Variants in LRRTM4 observed in about 807,000 individuals in gnomAD.
LRRTM4 encodes the protein leucine-rich repeat transmembrane neuronal protein 4.
LRRTM4 carries 25 observed loss-of-function variants against 47.6 expected under a neutral mutation model. The observed-to-expected ratio is 0.53, with a 90% CI of 0.38 to 0.73. The LOEUF (loss-of-function observed/expected upper bound fraction) is 0.73, where lower values mean the gene tolerates loss of function less well. Among genes scored for constraint, LRRTM4 ranks in the 30% least tolerant of loss-of-function variants. LRRTM4 has a pLI of 0.00. For synonymous variants in LRRTM4, 311 were observed against 269.5 expected (o/e 1.15, Z -1.51); for missense variants, 638 against 713.4 (o/e 0.89, Z 1.20).
At chr2:77,485,917 T>C (rs1677893936) in intron 3 of LRRTM4, among the ~76,000 whole-genome samples, 1 of 151,862 alleles carries the variant, frequency 6.6e-6, no homozygotes, top group East Asian at 1.9e-4. Context: ...TTTGTATTTT[T>C]AGGGGAGACG....
In LRRTM4 at chr2:77,336,383, T is replaced by G. The variant is rs148905920; in HGVS notation, c.1551+181935A>C. Among the ~76,000 whole-genome samples, 425 of 152,126 alleles carry G rather than the reference T, an allele frequency of 2.8e-3. 4 individuals are homozygous for G. The highest frequency in any genetic ancestry group is 9.7e-3 in the East Asian group (50 of 5,134). Reference sequence around the variant, plus strand: ...TATGAGAGGCTTGCACTTTTACCAGTTAGCTCATAATTTTTTACCAAAATT... The same window carrying G: ...TATGAGAGGCTTGCACTTTTACCAGGTAGCTCATAATTTTTTACCAAAATT... On this transcript the variant is annotated intron_variant, in intron 3 of 3. Transcript: ENST00000409884.
At chr2:77,042,865 C>A (rs1035199563) in intron 3 of LRRTM4, among the ~76,000 whole-genome samples, 1 of 151,684 alleles carries the variant, frequency 6.6e-6, no homozygotes. Flanking sequence ...TAGACAAAGT[C>A]TCTGGAATGG....
chr2:77,051,443 C>T (rs949716749), intron 3 of LRRTM4, among the ~76,000 whole-genome samples: 8 of 152,192 alleles, frequency 5.3e-5, no homozygotes, highest in African/African-American at 1.7e-4. Context: ...ATGAATTAAG[C>T]GCTCTTCTCT....
At chr2:77,068,538 T>C (rs183046193) in intron 3 of LRRTM4, among the ~76,000 whole-genome samples, 1 of 152,354 alleles carries the variant, frequency 6.6e-6, no homozygotes, top group Non-Finnish European at 1.5e-5. Flanking sequence ...GAACATTTCA[T>C]ATAACTGAAT....
At chr2:77,207,658 C>T (rs1432445858) in intron 3 of LRRTM4, among the ~76,000 whole-genome samples, 1 of 151,738 alleles carries the variant, frequency 6.6e-6, no homozygotes, top group Non-Finnish European at 1.5e-5. Flanking sequence ...CTATAACAAT[C>T]ACTGACAATT....
intron 3 of LRRTM4, among the ~76,000 whole-genome samples, chr2:77,184,801 T>C (rs969763458): frequency 6.6e-6 from 1 of 152,204 alleles, no homozygotes; most frequent in Non-Finnish European, 1.5e-5. Context: ...TTTGGTCCTA[T>C]GCTATTAAAA....
intron 3 of LRRTM4, among the ~76,000 whole-genome samples, chr2:77,168,068 C>A (rs1031574813): frequency 2.6e-5 from 4 of 151,970 alleles, no homozygotes; most frequent in Non-Finnish European, 4.4e-5. Flanking sequence ...TTTTGCAATA[C>A]CCTTACTTTG....
rs368080398 is a variant in LRRTM4 at position 76,804,737 on chromosome 2, TTA to T, written c.1552-55823_1552-55822del. ...ATATAAAACAATGATATATCATGTT[TTA>T]TATATATATCATTGTTTTATAACAA... On this transcript the variant is annotated intron_variant, in intron 3 of 3. Coordinates refer to ENST00000409884, the MANE Select transcript of LRRTM4 (RefSeq NM_001134745.3). Among the ~76,000 whole-genome samples the T allele has an allele frequency of 9.7e-5, 14 of 144,052 alleles. No individual in the cohort carries two copies. The South Asian group carries it at 2.1e-3, about 22-fold the overall frequency. 94.5% of individuals were successfully genotyped at this position (144,052 alleles called of 152,430 possible). A position where few individuals can be genotyped will look rare whatever the true frequency, so the allele number is the denominator to read the frequency against.
intron 3 of LRRTM4, among the ~76,000 whole-genome samples, chr2:77,319,977 T>G (rs956636723): frequency 6.6e-6 from 1 of 152,204 alleles, no homozygotes; most frequent in East Asian, 1.9e-4. Context: ...TTATTAACTT[T>G]CAATAAACAG....
intron 3 of LRRTM4, among the ~76,000 whole-genome samples, chr2:77,370,014 T>C (rs1672603674): frequency 6.6e-6 from 1 of 151,864 alleles, no homozygotes; most frequent in African/African-American, 2.4e-5. Context: ...ACCTTAAACA[T>C]GCACAATATG....
chr2:77,204,300 T>C (rs2103906473), intron 3 of LRRTM4, among the ~76,000 whole-genome samples: 1 of 152,176 alleles, frequency 6.6e-6, no homozygotes, highest in Non-Finnish European at 1.5e-5. Context: ...TTATGAAAAT[T>C]TCTTGACTAA....
intron 3 of LRRTM4, among the ~76,000 whole-genome samples, chr2:77,421,590 C>G (rs1408132660): frequency 6.6e-6 from 1 of 152,074 alleles, no homozygotes; most frequent in Non-Finnish European, 1.5e-5. Context: ...GCCTGTAGTC[C>G]CAGCTACTCG....
intron 3 of LRRTM4, among the ~76,000 whole-genome samples, chr2:77,168,581 T>C (rs1672956109): frequency 6.6e-6 from 1 of 152,154 alleles, no homozygotes; most frequent in African/African-American, 2.4e-5. Flanking sequence ...ATCTTTTAGA[T>C]ATTTTGAAAT....
intron 3 of LRRTM4, among the ~76,000 whole-genome samples, chr2:76,792,114 T>C (rs998004875): frequency 3.3e-5 from 5 of 150,224 alleles, no homozygotes; most frequent in African/African-American, 7.3e-5. Context: ...GTTAGAGAAA[T>C]AGAGTTTTTC....
intron 3 of LRRTM4, among the ~76,000 whole-genome samples, chr2:77,355,756 G>C (rs902704345): frequency 1.3e-5 from 2 of 152,318 alleles, no homozygotes; most frequent in South Asian, 2.1e-4. Flanking sequence ...GTGCAGTGCA[G>C]TGGAACATGT....
intron 3 of LRRTM4, among the ~76,000 whole-genome samples, chr2:77,389,791 G>A (rs535056784): frequency 2.1e-4 from 32 of 151,918 alleles, no homozygotes; most frequent in African/African-American, 4.1e-4. Flanking sequence ...TTCTCCCTTC[G>A]TCCTCTTTTT....
At chr2:77,305,757 G>A (rs1390965117) in intron 3 of LRRTM4, among the ~76,000 whole-genome samples, 1 of 151,992 alleles carries the variant, frequency 6.6e-6, no homozygotes, top group Non-Finnish European at 1.5e-5. Flanking sequence ...TATACTTTCT[G>A]AGAAATGTGC....
chr2:77,468,286 T>C lies in LRRTM4; in HGVS notation c.1551+50032A>G, dbSNP rs1159003736. Among the ~76,000 whole-genome samples the C allele has an allele frequency of 1.1e-4, 16 of 152,260 alleles. No homozygotes were observed. In the East Asian group the frequency reaches 3.1e-3, roughly 29 times the overall value. On this transcript the variant is annotated intron_variant, in intron 3 of 3. Coordinates refer to ENST00000409884, the MANE Select transcript of LRRTM4 (RefSeq NM_001134745.3). ...TCCATTTGTGTTCTCGTGTGACAAA[T>C]ATTTAATTTTCAATATAAGCACAGT...
At chr2:77,193,033 T>A (rs1236297931) in intron 3 of LRRTM4, among the ~76,000 whole-genome samples, 1 of 152,190 alleles carries the variant, frequency 6.6e-6, no homozygotes, top group East Asian at 1.9e-4. Context: ...CCCGTAAGAT[T>A]ATAATAGAAC....
Sources: gnomAD v4.1 joint callset for allele counts (sites outside exome capture counted in the v4.1 genomes callset) on GRCh38, gnomAD v4.1.1 for gene constraint, MANE v1.5 for transcripts, NCBI Gene and HGNC (gene_info 2026-07-23, HGNC 2026-07-21) for gene names.